The following C12orf42 variants were observed in gnomAD, a reference collection of about 807,000 sequenced individuals.
C12orf42 encodes chromosome 12 open reading frame 42.
A neutral mutation model predicts 21.6 loss-of-function variants in C12orf42; 25 were observed. The ratio of observed to expected loss-of-function variants is 1.16; its 90% CI spans 0.84 to 1.62. C12orf42 has a LOEUF of 1.62. Among genes scored for constraint, C12orf42 ranks in the 40% most tolerant of loss-of-function variants. The pLI, the probability that C12orf42 is intolerant of heterozygous loss-of-function variation, is 0.00. For synonymous variants in C12orf42, 174 were observed against 175.0 expected, an observed-to-expected ratio of 0.99 and a Z score of 0.05; for missense variants, 483 against 459.3, an observed-to-expected ratio of 1.05 and a Z score of -0.47.
At chr12:103,142,530 A>C in the C12orf42 span, among the ~76,000 whole-genome samples, 1 of 152,212 alleles carries the variant, frequency 6.6e-6, no homozygotes, top group Non-Finnish European at 1.5e-5. Flanking sequence ...TGGTAGACTT[A>C]ATTTTCACTG....
At chr12:103,058,437 T>C in the C12orf42 span, among the ~76,000 whole-genome samples, 2 of 152,186 alleles carry the variant, frequency 1.3e-5, no homozygotes, top group Non-Finnish European at 2.9e-5. Context: ...CTGTTCACTC[T>C]GATGCAAGGA....
chr12:103,328,614 T>C (rs1384074335), intron 4 of C12orf42, among the ~76,000 whole-genome samples: 1 of 152,194 alleles, frequency 6.6e-6, no homozygotes, highest in African/African-American at 2.4e-5. Context: ...TCCACAAAGT[T>C]CAGTTCCATT....
chr12:103,275,813 G>C (rs1421985229), intron 5 of C12orf42, among the ~76,000 whole-genome samples: 2 of 151,276 alleles, frequency 1.3e-5, no homozygotes, highest in Admixed American at 1.3e-4. Flanking sequence ...TCATTGGCTG[G>C]GCACAGTGGG....
chr12:103,536,613 G>A, the C12orf42 span, among the ~76,000 whole-genome samples: 1 of 152,158 alleles, frequency 6.6e-6, no homozygotes, highest in East Asian at 1.9e-4. Context: ...CAACAACTGG[G>A]ATGAAAGAGA....
downstream of C12orf42, among the ~76,000 whole-genome samples, chr12:103,301,140 G>A (rs1234150082): frequency 6.6e-6 from 1 of 152,118 alleles, no homozygotes; most frequent in African/African-American, 2.4e-5. Context: ...ACATTATGCT[G>A]TCTTAAATGT....
chr12:103,401,523 A>T lies in C12orf42; in HGVS notation c.147+84T>A, dbSNP rs565556506. On this transcript the variant is annotated intron_variant, in intron 3 of 5. Transcript: ENST00000548883. ...GCTATAAAGTCAAAAATACAAAGAA[A>T]CAAATCTGCTTACATGTAAAGCAAC... 3 of 1,136,876 alleles carry T rather than the reference A, an allele frequency of 2.6e-6. No individual in the cohort carries two copies. In the South Asian group the frequency reaches 4.2e-5, roughly 16 times the overall value. The allele number at this position is 1,136,876 out of a possible 1,614,324, so 70.4% of individuals were successfully genotyped here. A position where few individuals can be genotyped will look rare whatever the true frequency, so the allele number is the denominator to read the frequency against.
chr12:103,099,815 T>A, the C12orf42 span, among the ~76,000 whole-genome samples: 1 of 152,348 alleles, frequency 6.6e-6, no homozygotes, highest in Admixed American at 6.5e-5. Flanking sequence ...AAAGTTTGCA[T>A]GACGTTTTAT....
rs542388989 is a variant in C12orf42 at position 103,443,188 on chromosome 12, T to C, written c.78+35161A>G. Among the ~76,000 whole-genome samples, 5 of 152,288 alleles carry C rather than the reference T, an allele frequency of 3.3e-5. No homozygotes were observed. The East Asian group carries it at 9.6e-4, about 29-fold the overall frequency. On this transcript the variant is annotated intron_variant, in intron 2 of 5. Coordinates refer to ENST00000548883, the MANE Select transcript of C12orf42 (RefSeq NM_198521.5). ...ATTATTGCTGAATATTTTGTCAAGA[T>C]AATTTTATTGCTTTTCTACGACTAA...
intron 3 of C12orf42, among the ~76,000 whole-genome samples, chr12:103,380,907 C>G (rs2138194130): frequency 1.3e-5 from 2 of 152,260 alleles, no homozygotes; most frequent in East Asian, 3.9e-4. Flanking sequence ...ATAACTTGTC[C>G]ATCTGGCTCC....
intron 5 of C12orf42, among the ~76,000 whole-genome samples, chr12:103,303,074 G>A (rs1237088593): frequency 1.3e-5 from 2 of 152,244 alleles, no homozygotes; most frequent in African/African-American, 4.8e-5. Flanking sequence ...CTTCAAACCA[G>A]CTGAAGACTA....
At chr12:103,350,646 G>A (rs926969044) in intron 4 of C12orf42, among the ~76,000 whole-genome samples, 9 of 152,138 alleles carry the variant, frequency 5.9e-5, no homozygotes, top group African/African-American at 2.2e-4. Context: ...ATCTTGGAAT[G>A]TATTTCCCCC....
intron 2 of C12orf42, among the ~76,000 whole-genome samples, chr12:103,406,623 T>A (rs566269922): frequency 1.1e-4 from 17 of 152,300 alleles, no homozygotes; most frequent in African/African-American, 3.6e-4. Context: ...ATTTACTATG[T>A]TCAGTACCAA....
chr12:103,484,930 C>T (rs1565900233), intron 1 of C12orf42, among the ~76,000 whole-genome samples: 1 of 133,022 alleles, frequency 7.5e-6, no homozygotes, highest in Admixed American at 8.5e-5. Flanking sequence ...AGTGCAGTGG[C>T]ACAATCTCGG....
chr12:103,161,150 T>G, the C12orf42 span, among the ~76,000 whole-genome samples: 1 of 152,234 alleles, frequency 6.6e-6, no homozygotes, highest in Non-Finnish European at 1.5e-5. Context: ...TGTGATTGCA[T>G]AAATTCTAAA....
chr12:103,436,716 T>C (rs1950748076), intron 2 of C12orf42, among the ~76,000 whole-genome samples: 1 of 151,842 alleles, frequency 6.6e-6, no homozygotes, highest in African/African-American at 2.4e-5. Context: ...CCTAAATATA[T>C]ATGCACCCAA....
chr12:103,317,793 G>T (rs909035978), intron 4 of C12orf42, among the ~76,000 whole-genome samples: 1 of 151,724 alleles, frequency 6.6e-6, no homozygotes, highest in African/African-American at 2.4e-5. Context: ...GTATTTTGTA[G>T]GTCAAAAATG....
chr12:103,386,477 C>T (rs189552506), intron 3 of C12orf42, among the ~76,000 whole-genome samples: 1 of 152,288 alleles, frequency 6.6e-6, no homozygotes, highest in East Asian at 1.9e-4. Flanking sequence ...ACTCCTAAAA[C>T]TCAACTGATC....
intron 3 of C12orf42, among the ~76,000 whole-genome samples, chr12:103,392,298 T>C (rs1163213921): frequency 6.6e-6 from 1 of 152,196 alleles, no homozygotes; most frequent in Admixed American, 6.5e-5. Context: ...TTTTGGTTAT[T>C]TGGGAATCCT....
intron 10 of C12orf42, among the ~76,000 whole-genome samples, chr12:103,249,517 GA>G (rs1368497723): frequency 6.6e-6 from 1 of 151,962 alleles, no homozygotes; most frequent in Non-Finnish European, 1.5e-5. Flanking sequence ...GATTTCTAAA[GA>G]GAGCAAAATC....
Sources: allele counts gnomAD v4.1 joint callset (sites outside exome capture counted in the v4.1 genomes callset), GRCh38; gene constraint gnomAD v4.1.1; transcripts MANE v1.5; gene names NCBI Gene and HGNC (gene_info 2026-07-23, HGNC 2026-07-21).